LSS: variants seen among roughly 807,000 people sequenced by gnomAD.
LSS encodes lanosterol synthase.
LSS carries 90 observed loss-of-function variants against 110.3 expected under a neutral mutation model. The observed-to-expected ratio is 0.82, with a 90% CI of 0.69 to 0.97. LSS has a LOEUF of 0.97. LSS is among the 50% of genes least tolerant of loss of function. The pLI is 0.00. For synonymous variants in LSS, 433 were observed against 400.0 expected, an observed-to-expected ratio of 1.08 and a Z score of -0.98; for missense variants, 927 against 990.0, an observed-to-expected ratio of 0.94 and a Z score of 0.85.
chr21:46,217,436 G>A (rs1392129493), intron 6 of LSS, among the ~76,000 whole-genome samples: 2 of 152,072 alleles, frequency 1.3e-5, no homozygotes, highest in African/African-American at 4.8e-5. Flanking sequence ...GATGCCTTAT[G>A]TGATGCTAGC....
chr21:46,197,478 G>A (rs2079923699), intron 17 of LSS, among the ~76,000 whole-genome samples: 1 of 152,166 alleles, frequency 6.6e-6, no homozygotes. Context: ...AACTCTTCCA[G>A]AGAACAGAAA....
At chr21:46,217,890 T>C (rs2080227197) in intron 6 of LSS, among the ~76,000 whole-genome samples, 1 of 152,204 alleles carries the variant, frequency 6.6e-6, no homozygotes, top group African/African-American at 2.4e-5. Context: ...CTATGTGCTC[T>C]ACGGCCCGCC....
At position 46,209,996 on chromosome 21, in the gene LSS, C is replaced by CATAAAA. The variant is rs985268985; in HGVS notation, c.1195-377_1195-372dup. Among the ~76,000 whole-genome samples, 3 of 151,634 alleles carry CATAAAA rather than the reference C, an allele frequency of 2.0e-5. No individual in the cohort carries two copies. The highest frequency in any genetic ancestry group is 7.3e-5 in the African/African-American group (3 of 41,252). The stretch of plus-strand genomic sequence containing the variant: ...ATCCCACCTACCTCATTCCCACCGG[C>CATAAAA]ATAAAAATCCACTCTCGTTTTTCTC... On this transcript the variant is annotated intron_variant, in intron 12 of 21. Coordinates refer to ENST00000397728, the MANE Select transcript of LSS (RefSeq NM_002340.6). The surrounding 1 kb of genome is among the most constrained non-coding windows in gnomAD (Gnocchi z 4.4).
At chr21:46,225,543 C>T (rs1232928735) in intron 3 of LSS, among the ~76,000 whole-genome samples, 2 of 152,224 alleles carry the variant, frequency 1.3e-5, no homozygotes, top group Non-Finnish European at 2.9e-5. Flanking sequence ...CGCAGTTATC[C>T]GGAGGCCTAA....
rs532184680 is a variant in LSS at position 46,226,049 on chromosome 21, T to G, written c.319+1503A>C. On this transcript the variant is annotated intron_variant, in intron 3 of 21. Transcript: ENST00000397728. ...CCTACAGGAGGCTGAGGCAGGAGAA[T>G]CACTTGGACCCAGGAGGCAGAGGCT... Among the ~76,000 whole-genome samples the G allele has an allele frequency of 1.3e-4, 20 of 151,368 alleles. No individual in the cohort carries two copies. In the South Asian group the frequency reaches 4.0e-3, roughly 30 times the overall value.
At chr21:46,192,094 A>G in intron 20 of LSS, 135 bp from the exon 21 acceptor site, 1 of 705,842 alleles carries the variant, frequency 1.4e-6, no homozygotes, top group Non-Finnish European at 2.5e-6. Flanking sequence ...TGACGCCCAC[A>G]GGCCCCGCCA....
At chr21:46,205,805 G>T in intron 17 of LSS, 31 bp downstream of exon 17, 2 of 1,546,900 alleles carry the variant, frequency 1.3e-6, no homozygotes, top group Non-Finnish European at 1.8e-6. Context: ...ACTTGGCAGC[G>T]CCCACACTGA....
At chr21:46,197,646 T>C (rs570486731) in intron 17 of LSS, among the ~76,000 whole-genome samples, 20 of 152,288 alleles carry the variant, frequency 1.3e-4, no homozygotes, top group Admixed American at 7.8e-4. Context: ...TCCCAGCACT[T>C]TGGGAGATCG....
At chr21:46,208,381 G>C (rs1205830531) in intron 13 of LSS, 80 bp from the exon 14 acceptor site, 2 of 1,200,992 alleles carry the variant, frequency 1.7e-6, no homozygotes, top group Non-Finnish European at 2.4e-6. Context: ...CGCTGAGACA[G>C]ACTGGGCAGG....
At chr21:46,212,430 G>A (rs1056332199) in intron 11 of LSS, among the ~76,000 whole-genome samples, 2 of 152,248 alleles carry the variant, frequency 1.3e-5, no homozygotes, top group African/African-American at 2.4e-5. Flanking sequence ...CACGCACAGA[G>A]GGGCGCAGGC....
chr21:46,207,217 G>A (rs541513492), intron 15 of LSS, among the ~76,000 whole-genome samples: 124 of 152,334 alleles, frequency 8.1e-4, no homozygotes, highest in East Asian at 7.2e-3. Flanking sequence ...CACCAGCTCC[G>A]CAGTGCAGGG....
In LSS at chr21:46,191,198, A is replaced by G; in HGVS notation, c.2105T>C (p.Ile702Thr). The G allele has an allele frequency of 6.2e-7, 1 of 1,614,050 alleles. No homozygotes were observed. The highest frequency in any genetic ancestry group is 1.1e-5 in the South Asian group (1 of 91,090). ...IAGVFNKSCA[I>T]SYTSYRNIFP... ...GATGTTCCTGTAGCTCGTGTAGGAG[A>G]TGGCACAGGACTTGTTGAAGACCCC... Residue 702 changes from isoleucine to threonine, a missense_variant, in exon 22 of 22, where the codon ATC becomes ACC. Ile to Thr is a moderately conservative substitution (Grantham distance 89). Coordinates refer to ENST00000397728, the MANE Select transcript of LSS (RefSeq NM_002340.6).
At chr21:46,228,304 G>A in intron 2 of LSS, 130 bp downstream of exon 2, 1 of 1,062,332 alleles carries the variant, frequency 9.4e-7, no homozygotes, top group East Asian at 2.6e-5. Flanking sequence ...CGCAGTTCCC[G>A]TGGGCGCTCG....
rs531785700 is a variant in LSS, at chr21:46,209,139, G to A, written c.1266+415C>T. 1.3e-5 allele frequency among the ~76,000 whole-genome samples: 2 copies of A among 152,146 alleles called. No individual in the cohort carries two copies. The highest frequency in any genetic ancestry group is 2.9e-5 in the Non-Finnish European group (2 of 68,006). On this transcript the variant is annotated intron_variant, in intron 13 of 21. Transcript: ENST00000397728. This position sits in a 1 kb window ranked among gnomAD's most constrained non-coding sequence, Gnocchi z 4.4. The stretch of plus-strand genomic sequence containing the variant: ...GGCAGCTGATCTGGCAGGAGGGACC[G>A]GGGCTTTTGCTGCAAACAGTCTCAG...
intron 17 of LSS, among the ~76,000 whole-genome samples, chr21:46,198,636 A>G (rs1451792526): frequency 6.6e-6 from 1 of 152,168 alleles, no homozygotes; most frequent in Non-Finnish European, 1.5e-5. Context: ...AAGGCCTACT[A>G]CAGAGCTACA....
chr21:46,211,510 C>T (rs538870677), intron 11 of LSS, among the ~76,000 whole-genome samples: 12 of 152,264 alleles, frequency 7.9e-5, no homozygotes, highest in African/African-American at 2.9e-4. Context: ...AATCTCACCC[C>T]GAGCTGGGCT....
At chr21:46,213,526 T>C (rs1453788061) in intron 10 of LSS, among the ~76,000 whole-genome samples, 2 of 152,204 alleles carry the variant, frequency 1.3e-5, no homozygotes, top group African/African-American at 4.8e-5. Flanking sequence ...CTCTACCTTC[T>C]GGGAACACCC....
chr21:46,190,994 G>T lies in LSS; in HGVS notation c.*110C>A. 1 of 1,290,692 alleles carries T rather than the reference G, an allele frequency of 7.7e-7. No individual in the cohort carries two copies. Among genetic ancestry groups the T allele is most frequent in the Non-Finnish European group, 1.1e-6 (1 of 922,072 alleles). 80.0% of individuals were successfully genotyped at this position (1,290,692 alleles called of 1,614,324 possible). A position where few individuals can be genotyped will look rare whatever the true frequency, so the allele number is the denominator to read the frequency against. ...CCCAGATTCACATCTATGAGATAGA[G>T]GTTGAGGGGTTGGAGCCCAAGACAG... On this transcript the variant is annotated 3_prime_UTR_variant, in exon 22 of 22. Coordinates refer to ENST00000397728, the MANE Select transcript of LSS (RefSeq NM_002340.6). This position sits in a 1 kb window ranked among gnomAD's most constrained non-coding sequence, Gnocchi z 4.6.
intron 3 of LSS, chr21:46,225,447 A>T (rs1171047262): frequency 2.2e-6 from 1 of 450,172 alleles, no homozygotes; most frequent in Non-Finnish European, 4.4e-6. Context: ...ATACCGGGAA[A>T]GGGAATCTCC....
Sources: allele counts gnomAD v4.1 joint callset (sites outside exome capture counted in the v4.1 genomes callset), GRCh38; gene constraint gnomAD v4.1.1; non-coding constraint Gnocchi (gnomAD v3.1); transcripts MANE v1.5; gene names NCBI Gene and HGNC (gene_info 2026-07-23, HGNC 2026-07-21).